Variants in ADAM22 observed in about 807,000 individuals in gnomAD.
The protein encoded by ADAM22 is ADAM metallopeptidase domain 22, also known as disintegrin and metalloproteinase domain-containing protein 22.
A neutral mutation model predicts 144.6 loss-of-function variants in ADAM22; 65 were observed. The ratio of observed to expected loss-of-function variants is 0.45; its 90% CI spans 0.37 to 0.55. The LOEUF (loss-of-function observed/expected upper bound fraction) is 0.55, where lower values mean the gene tolerates loss of function less well. ADAM22 is among the 20% of genes least tolerant of loss of function. ADAM22 has a pLI of 0.00. For missense variants in ADAM22, 974 were observed against 1,184.9 expected (o/e 0.82, Z 2.61); for synonymous variants, 391 against 412.6 (o/e 0.95, Z 0.63).
chr7:87,941,657 TA>T (rs1023295740), intron 2 of ADAM22, among the ~76,000 whole-genome samples: 1 of 151,944 alleles, frequency 6.6e-6, no homozygotes, highest in Non-Finnish European at 1.5e-5. Flanking sequence ...AATTAAATTG[TA>T]AAAAAAAGTA....
rs1387757715 is a variant in ADAM22 at position 87,958,385 on chromosome 7, A to ATT, written c.247-19946_247-19945dup. Among the ~76,000 whole-genome samples, 93 of 151,102 alleles carry ATT rather than the reference A, an allele frequency of 6.2e-4. 6 individuals are homozygous for ATT. Among genetic ancestry groups the ATT allele is most frequent in the Non-Finnish European group, 1.5e-5 (1 of 67,726 alleles). On this transcript the variant is annotated intron_variant, in intron 2 of 31. Coordinates refer to ENST00000413139, the MANE Select transcript of ADAM22 (RefSeq NM_001324418.2). ...TTTAAAGTTTTTTTAAATTTTTTTTATTTTTTATTTTTTTTTTGAGATGGA... is the reference window on the plus strand; with the variant it reads ...TTTAAAGTTTTTTTAAATTTTTTTTATTTTTTTTATTTTTTTTTTGAGATGGA...
chr7:88,005,726 G>C (rs2129458070), intron 3 of ADAM22, among the ~76,000 whole-genome samples: 1 of 152,174 alleles, frequency 6.6e-6, no homozygotes, highest in East Asian at 1.9e-4. Flanking sequence ...TACAAGGCTA[G>C]GTCCAGGGTT....
intron 30 of ADAM22, among the ~76,000 whole-genome samples, chr7:88,190,253 G>T (rs1849316209): frequency 6.6e-6 from 1 of 152,104 alleles, no homozygotes; most frequent in Admixed American, 6.5e-5. Flanking sequence ...TACAGTAATG[G>T]GCTGGGTGGG....
chr7:87,993,918 A>G (rs1790483385), intron 3 of ADAM22, among the ~76,000 whole-genome samples: 1 of 152,200 alleles, frequency 6.6e-6, no homozygotes, highest in East Asian at 1.9e-4. Flanking sequence ...ATTTGAGCCC[A>G]TGAATTCATA....
chr7:88,108,208 C>G lies in ADAM22; in HGVS notation c.423C>G (p.Ile141Met), dbSNP rs1487030444. The G allele has an allele frequency of 1.9e-6, 3 of 1,613,800 alleles. No homozygotes were observed. In the East Asian group the frequency reaches 6.7e-5, roughly 36 times the overall value. ...AGCACTGTTACTACCAGGGCCATAT[C>G]CGAGGAAACCCTGACTCATTTGTTG... ...GGEHCYYQGH[I>M]RGNPDSFVAL... The change falls in exon 5 of 32, where the codon ATC becomes ATG. Residue 141 changes from isoleucine (I) to methionine (M), a missense_variant. Coordinates refer to ENST00000413139, the MANE Select transcript of ADAM22 (RefSeq NM_001324418.2).
chr7:87,982,324 C>G (rs998841065), intron 3 of ADAM22, among the ~76,000 whole-genome samples: 12 of 151,778 alleles, frequency 7.9e-5, no homozygotes, highest in African/African-American at 2.9e-4. Context: ...ATAGCACATT[C>G]GAGAATTGGT....
chr7:88,130,327 G>A, intron 9 of ADAM22, 61 bp from the exon 10 acceptor site: 1 of 1,297,210 alleles, frequency 7.7e-7, no homozygotes. Flanking sequence ...TGTTTTCTCT[G>A]ATGAGATGAT....
chr7:88,166,323 T>A (rs532495542), intron 24 of ADAM22, among the ~76,000 whole-genome samples: 1 of 152,186 alleles, frequency 6.6e-6, no homozygotes, highest in African/African-American at 2.4e-5. Context: ...GAATTGGTTT[T>A]AAAATATTTT....
chr7:88,156,713 C>T (rs536587578), intron 22 of ADAM22, among the ~76,000 whole-genome samples: 1 of 152,218 alleles, frequency 6.6e-6, no homozygotes, highest in East Asian at 1.9e-4. Flanking sequence ...ATTTGCCACC[C>T]TCCCATGGAA....
At chr7:88,036,041 A>G (rs1387049106) in intron 3 of ADAM22, among the ~76,000 whole-genome samples, 2 of 152,206 alleles carry the variant, frequency 1.3e-5, no homozygotes, top group African/African-American at 4.8e-5. Flanking sequence ...CATAATCTTT[A>G]TTGTTGCAGA....
intron 4 of ADAM22, among the ~76,000 whole-genome samples, chr7:88,091,340 A>G (rs556225694): frequency 1.1e-3 from 174 of 152,300 alleles, no homozygotes; most frequent in African/African-American, 4.1e-3. Flanking sequence ...TTTCTGTTTT[A>G]CATCATTGTC....
In ADAM22 at chr7:88,134,400, C is replaced by T; in HGVS notation, c.1149C>T (p.Asp383=). 2 of 1,609,104 alleles carry T rather than the reference C, an allele frequency of 1.2e-6. No individual in the cohort carries two copies. Among genetic ancestry groups the T allele is most frequent in the Non-Finnish European group, 1.7e-6 (2 of 1,177,940 alleles). ...CCCATAATATTGGTATTATCTCAGA[C>T]AAAAGAAAGTTAGCAAGTGGTAAGT... ...SLAHNIGIIS[D]KRKLASGECK... The change falls in exon 13 of 32, where the codon GAC becomes GAT. Residue 383 remains aspartate (D), a synonymous_variant. Transcript: ENST00000413139.
chr7:88,021,316 C>G (rs1273330095), intron 3 of ADAM22, among the ~76,000 whole-genome samples: 2 of 152,164 alleles, frequency 1.3e-5, no homozygotes, highest in African/African-American at 4.8e-5. Flanking sequence ...TTAATCCACT[C>G]TTGTTATTTT....
chr7:87,964,682 C>A, intron 2 of ADAM22: 1 of 418,554 alleles, frequency 2.4e-6, no homozygotes, highest in South Asian at 1.8e-5. Context: ...ATACCAGATA[C>A]AGGTAATGCA....
intron 9 of ADAM22, 53 bp from the exon 10 acceptor site, chr7:88,130,335 G>A (rs917245037): frequency 7.3e-7 from 1 of 1,375,810 alleles, no homozygotes; most frequent in Non-Finnish European, 1.0e-6. Context: ...CTGATGAGAT[G>A]ATTGTTTTCT....
intron 14 of ADAM22, among the ~76,000 whole-genome samples, chr7:88,141,478 G>T (rs183024820): frequency 2.8e-4 from 42 of 152,160 alleles, no homozygotes; most frequent in African/African-American, 9.2e-4. Flanking sequence ...GGATATAAAT[G>T]GACAGTTTTT....
intron 6 of ADAM22, among the ~76,000 whole-genome samples, chr7:88,114,959 T>A (rs1043455344): frequency 6.6e-6 from 1 of 152,150 alleles, no homozygotes; most frequent in African/African-American, 2.4e-5. Context: ...AAGTGTTTTT[T>A]AAAAAATTTC....
At chr7:87,938,234 T>G (rs1372028692) in intron 2 of ADAM22, among the ~76,000 whole-genome samples, 2 of 134,158 alleles carry the variant, frequency 1.5e-5, no homozygotes, top group African/African-American at 6.2e-5. Context: ...TTTTTTTTTT[T>G]GTGAGATGGA....
At chr7:88,112,922 G>A (rs571014876) in intron 5 of ADAM22, among the ~76,000 whole-genome samples, 3 of 152,076 alleles carry the variant, frequency 2.0e-5, no homozygotes, top group South Asian at 2.1e-4. Context: ...CACTCACTAC[G>A]TTGCCCAGGC....
Sources: gnomAD v4.1 joint callset for allele counts (sites outside exome capture counted in the v4.1 genomes callset) on GRCh38, gnomAD v4.1.1 for gene constraint, MANE v1.5 for transcripts, NCBI Gene and HGNC (gene_info 2026-07-23, HGNC 2026-07-21) for gene names.